The following FAM219A variants were observed in gnomAD, a reference collection of about 807,000 sequenced individuals.
FAM219A encodes family with sequence similarity 219 member A, also known as protein FAM219A.
Under a neutral mutation model 23.4 loss-of-function variants are expected in FAM219A, and 7 were observed. The ratio of observed to expected loss-of-function variants is 0.30; its 90% CI spans 0.17 to 0.56. The LOEUF (loss-of-function observed/expected upper bound fraction) is 0.56, where lower values mean the gene tolerates loss of function less well. Ranked by LOEUF, FAM219A falls within the 20% of genes least tolerant of loss-of-function variation. The probability of loss-of-function intolerance (pLI) is 0.92; values close to 1 mark genes in which losing one functional copy is unlikely to be tolerated. For synonymous variants in FAM219A, 93 were observed against 99.0 expected, an observed-to-expected ratio of 0.94 and a Z score of 0.36; for missense variants, 166 against 246.9, an observed-to-expected ratio of 0.67 and a Z score of 2.20.
rs1456781884 is a variant in FAM219A, at chr9:34,405,981, G to A, written c.61-17C>T. On this transcript the variant is annotated splice_polypyrimidine_tract_variant and intron_variant, in intron 1 of 5. Transcript: ENST00000651358. ...GGCTGGGTCCTGTGGGGAGAAAGCA[G>A]TAAGACAGAGAGTTGTTAGGGAGTG... 1.9e-6 allele frequency: 3 copies of A among 1,599,516 alleles called. No individual in the cohort carries two copies. Among genetic ancestry groups the A allele is most frequent in the Non-Finnish European group, 2.6e-6 (3 of 1,171,632 alleles).
chr9:34,401,289 G>A (rs969558715), intron 5 of FAM219A, among the ~76,000 whole-genome samples, 167 bp from the exon 6 acceptor site: 3 of 152,088 alleles, frequency 2.0e-5, no homozygotes, highest in Non-Finnish European at 4.4e-5. Context: ...CTGCCTAGGC[G>A]CCCTCCTTCG....
chr9:34,403,124 C>T (rs1472360247), intron 2 of FAM219A, among the ~76,000 whole-genome samples: 1 of 152,064 alleles, frequency 6.6e-6, no homozygotes, highest in African/African-American at 2.4e-5. Context: ...AGAAGGATGG[C>T]GCAGTCAGAG....
rs1324935661 is a variant in FAM219A, at chr9:34,458,153, C to A, written c.60+51G>T. 5 of 1,536,758 alleles carry A rather than the reference C, an allele frequency of 3.3e-6. No homozygotes were observed. Among genetic ancestry groups the A allele is most frequent in the Non-Finnish European group, 4.4e-6 (5 of 1,144,882 alleles). On this transcript the variant is annotated intron_variant, in intron 1 of 5. Coordinates refer to ENST00000651358, the MANE Select transcript of FAM219A (RefSeq NM_001184940.2). This position sits in a 1 kb window ranked among gnomAD's most constrained non-coding sequence, Gnocchi z 6.6. Reference sequence around the variant, plus strand: ...CCCCGGCCTGATTCCCTCCCTCCCCCTCAAGCGACGCCCCCTCCGGCCTTG... The same window carrying A: ...CCCCGGCCTGATTCCCTCCCTCCCCATCAAGCGACGCCCCCTCCGGCCTTG...
chr9:34,417,000 C>CTCCTTCT (rs201896605), intron 1 of FAM219A, among the ~76,000 whole-genome samples: 3 of 151,444 alleles, frequency 2.0e-5, no homozygotes, highest in Admixed American at 2.0e-4. Context: ...GCTTTATCTT[C>CTCCTTCT]TCCTTCTTCC....
intron 1 of FAM219A, among the ~76,000 whole-genome samples, chr9:34,444,278 T>A (rs148259778): frequency 6.6e-6 from 1 of 152,204 alleles, no homozygotes; most frequent in Non-Finnish European, 1.5e-5. Context: ...GAATGACCTA[T>A]ACATTTGGGT....
At chr9:34,431,872 G>A (rs1331244273) in intron 1 of FAM219A, among the ~76,000 whole-genome samples, 3 of 152,252 alleles carry the variant, frequency 2.0e-5, no homozygotes, top group African/African-American at 7.2e-5. Flanking sequence ...GTCCTTGGGT[G>A]TATGTGCATG....
In FAM219A at chr9:34,400,620, C is replaced by G. The variant is rs1389813469; in HGVS notation, c.*344G>C. 1 of 202,860 alleles carries G rather than the reference C, an allele frequency of 4.9e-6. No individual in the cohort carries two copies. The highest frequency in any genetic ancestry group is 1.1e-4 in the East Asian group (1 of 8,938). 12.6% of individuals were successfully genotyped at this position (202,860 alleles called of 1,614,324 possible). On this transcript the variant is annotated 3_prime_UTR_variant, in exon 6 of 6. Transcript: ENST00000651358. ...GCCAAGCCCCTGGCTTTGTGATCCC[C>G]CCACTCGTTAATGTTGACCTCCCTG...
chr9:34,446,937 T>A (rs187967572), intron 1 of FAM219A, among the ~76,000 whole-genome samples: 3 of 152,322 alleles, frequency 2.0e-5, no homozygotes, highest in African/African-American at 4.8e-5. Context: ...CTTCTATTAA[T>A]GTAGTCCAAC....
chr9:34,445,387 G>T (rs1180139791), intron 1 of FAM219A, among the ~76,000 whole-genome samples: 2 of 152,212 alleles, frequency 1.3e-5, no homozygotes, highest in African/African-American at 2.4e-5. Flanking sequence ...ATGTGCTAGA[G>T]GTTATAGAGG....
intron 1 of FAM219A, among the ~76,000 whole-genome samples, chr9:34,449,707 T>C (rs1417649423): frequency 1.3e-5 from 2 of 152,268 alleles, no homozygotes; most frequent in East Asian, 3.8e-4. Context: ...TTCTGTAAGA[T>C]GTTAACAGAT....
chr9:34,413,062 G>C (rs1239778023), intron 1 of FAM219A, among the ~76,000 whole-genome samples: 1 of 152,080 alleles, frequency 6.6e-6, no homozygotes, highest in Non-Finnish European at 1.5e-5. Flanking sequence ...TAGAAAAGGA[G>C]ATGTTTGAGG....
chr9:34,409,561 C>T (rs1821753436), intron 1 of FAM219A, among the ~76,000 whole-genome samples: 1 of 152,198 alleles, frequency 6.6e-6, no homozygotes, highest in Non-Finnish European at 1.5e-5. Flanking sequence ...GTTTCTGCAA[C>T]CCTTCAAATA....
At chr9:34,420,916 G>C (rs1822245679) in intron 1 of FAM219A, among the ~76,000 whole-genome samples, 1 of 151,894 alleles carries the variant, frequency 6.6e-6, no homozygotes, top group Non-Finnish European at 1.5e-5. Flanking sequence ...AGAAGTTGAG[G>C]CTGCAGTGAG....
rs1821495979 is a variant in FAM219A, at chr9:34,402,753, C to A, written c.215G>T (p.Ser72Ile). The A allele has an allele frequency of 6.2e-7, 1 of 1,614,188 alleles. No homozygotes were observed. The highest frequency in any genetic ancestry group is 1.1e-5 in the South Asian group (1 of 91,088). The change falls in exon 3 of 6, where the codon AGC becomes ATC. Residue 72 changes from serine to isoleucine, a missense_variant. Physicochemically the swap from Ser to Ile is moderately radical, Grantham distance 142. Coordinates refer to ENST00000651358, the MANE Select transcript of FAM219A (RefSeq NM_001184940.2). ...CTTCTTGGGTTGCTGGTTGACAGGGCTACCCATGCTGCCATTCTTCAGGGA... is the reference window on the plus strand; with the variant it reads ...CTTCTTGGGTTGCTGGTTGACAGGGATACCCATGCTGCCATTCTTCAGGGA... ...KGSLKNGSMG[S>I]PVNQQPKKNN...
chr9:34,402,492 G>A (rs752978579), intron 3 of FAM219A, 25 bp from the exon 4 acceptor site: 2 of 1,614,030 alleles, frequency 1.2e-6, no homozygotes, highest in East Asian at 4.5e-5. Flanking sequence ...TCGGGAGTTA[G>A]AGTGGCAAAG....
chr9:34,410,439 G>T (rs1311547922), intron 1 of FAM219A, among the ~76,000 whole-genome samples: 6 of 152,206 alleles, frequency 3.9e-5, no homozygotes, highest in South Asian at 2.1e-4. Flanking sequence ...TGGATAAGTA[G>T]ATGGAAGAGT....
At chr9:34,436,310 C>A (rs1018328418) in intron 1 of FAM219A, among the ~76,000 whole-genome samples, 1 of 151,912 alleles carries the variant, frequency 6.6e-6, no homozygotes. Flanking sequence ...TAGTGGCAAC[C>A]ACAGCTCACT....
chr9:34,413,506 C>T lies in FAM219A; in HGVS notation c.61-7542G>A, dbSNP rs111759870. 5.9e-3 allele frequency among the ~76,000 whole-genome samples: 903 copies of T among 152,256 alleles called. 8 individuals are homozygous for T. Among genetic ancestry groups the T allele is most frequent in the African/African-American group, 0.021 (863 of 41,548 alleles). Reference sequence around the variant, plus strand: ...GGCAGAGACATGATTCAATATCAGCCTTCCCAAGAAGAGGTGACCTCTGTT... The same window carrying T: ...GGCAGAGACATGATTCAATATCAGCTTTCCCAAGAAGAGGTGACCTCTGTT... On this transcript the variant is annotated intron_variant, in intron 1 of 5. Transcript: ENST00000651358.
chr9:34,403,202 T>C (rs1821515490), intron 2 of FAM219A, among the ~76,000 whole-genome samples: 4 of 152,156 alleles, frequency 2.6e-5, no homozygotes, highest in African/African-American at 9.7e-5. Context: ...GGATAGTGTG[T>C]GCAAAAATGC....
Sources: gnomAD v4.1 joint callset for allele counts (sites outside exome capture counted in the v4.1 genomes callset) on GRCh38, gnomAD v4.1.1 for gene constraint, Gnocchi (gnomAD v3.1) non-coding constraint, MANE v1.5 for transcripts, NCBI Gene and HGNC (gene_info 2026-07-23, HGNC 2026-07-21) for gene names.